GALNT1: variants seen among roughly 807,000 people sequenced by gnomAD.
The protein encoded by GALNT1 is GalNAc transferase 1.
GALNT1 carries 17 observed loss-of-function variants against 65.7 expected under a neutral mutation model. The observed-to-expected ratio is 0.26, with a 90% confidence interval of 0.18 to 0.39. The LOEUF (loss-of-function observed/expected upper bound fraction) is 0.39. Among genes scored for constraint, GALNT1 ranks in the 10% least tolerant of loss-of-function variants. GALNT1 has a pLI of 1.00. For synonymous variants in GALNT1, 210 were observed against 219.7 expected (o/e 0.96, Z 0.39); for missense variants, 460 against 672.8 (o/e 0.68, Z 3.50).
At chr18:35,609,837 C>G (rs2046694823) in intron 1 of GALNT1, among the ~76,000 whole-genome samples, 1 of 152,100 alleles carries the variant, frequency 6.6e-6, no homozygotes, top group African/African-American at 2.4e-5. Context: ...ACTGACATCC[C>G]AAATAATAAT....
intron 1 of GALNT1, chr18:35,591,781 A>G (rs2046447861): frequency 6.5e-6 from 1 of 154,416 alleles, no homozygotes; most frequent in African/African-American, 2.4e-5. Flanking sequence ...GAGGTAGGAA[A>G]TGAGGCTAAT....
In GALNT1 at chr18:35,683,489, T is replaced by C. The variant is rs1307996166; in HGVS notation, c.580T>C (p.Leu194=). 1 of 1,613,702 alleles carries C rather than the reference T, an allele frequency of 6.2e-7. No homozygotes were observed. The highest frequency in any genetic ancestry group is 1.3e-5 in the African/African-American group (1 of 74,908). Residue 194 remains leucine (L), a synonymous_variant, in exon 5 of 12, where the codon TTA becomes CTA. Coordinates refer to ENST00000269195, the MANE Select transcript of GALNT1 (RefSeq NM_020474.4). ...EQRSGLIRAR[L]KGAAVSKGQV... is the part of the protein sequence containing the mutation. ...ACGTTCTGGATTGATCAGAGCTAGA[T>C]TAAAAGGAGCTGCTGTGTCTAAAGG...
At chr18:35,581,516 A>G (rs2046313102), upstream of GALNT1, among the ~76,000 whole-genome samples, 1 of 95,656 alleles carries the variant, frequency 1.0e-5, no homozygotes, top group Admixed American at 1.0e-4. Context: ...CGCAGGGAGG[A>G]CCGCGCCCGA....
intron 6 of GALNT1, 87 bp downstream of exon 6, chr18:35,687,273 T>C: frequency 7.6e-7 from 1 of 1,322,172 alleles, no homozygotes; most frequent in Non-Finnish European, 1.1e-6. Flanking sequence ...GATAAGTGTA[T>C]TTTGAGAAAC....
chr18:35,676,796 T>C (rs140885840), intron 3 of GALNT1, among the ~76,000 whole-genome samples: 3 of 152,336 alleles, frequency 2.0e-5, no homozygotes, highest in Admixed American at 2.0e-4. Flanking sequence ...TGTTCTCTGA[T>C]AGGCTGTTAT....
In GALNT1 at chr18:35,692,167, A is replaced by ATTTC. The variant is rs1239227521; in HGVS notation, c.1160-9_1160-6dup. ...CAACACTAATAATTCAGAGTCAATTATTTCTTTCAACAGGTGTTACAAAGG... is the reference window on the plus strand; with the variant it reads ...CAACACTAATAATTCAGAGTCAATTATTTCTTTCTTTCAACAGGTGTTACAAAGG... On this transcript the variant is annotated splice_polypyrimidine_tract_variant and intron_variant, in intron 8 of 11. Transcript: ENST00000269195. 4 of 1,599,220 alleles carry ATTTC rather than the reference A, an allele frequency of 2.5e-6. No individual in the cohort carries two copies. Among genetic ancestry groups the ATTTC allele is most frequent in the Non-Finnish European group, 3.4e-6 (4 of 1,172,254 alleles).
intron 1 of GALNT1, among the ~76,000 whole-genome samples, chr18:35,630,448 T>TG (rs747997895): frequency 6.6e-6 from 1 of 152,218 alleles, no homozygotes; most frequent in Non-Finnish European, 1.5e-5. Context: ...TGCTTCTGAA[T>TG]GACTACTGGG....
intron 2 of GALNT1, among the ~76,000 whole-genome samples, chr18:35,663,054 A>G (rs1305404155): frequency 6.6e-6 from 1 of 152,160 alleles, no homozygotes; most frequent in Non-Finnish European, 1.5e-5. Context: ...CACTATAGAG[A>G]GATTCAGAAA....
At chr18:35,625,419 C>A (rs1189058618) in intron 1 of GALNT1, among the ~76,000 whole-genome samples, 1 of 152,032 alleles carries the variant, frequency 6.6e-6, no homozygotes, top group Admixed American at 6.6e-5. Flanking sequence ...TTATAGCCTG[C>A]CTATTCTAAA....
At chr18:35,697,989 A>G (rs1028817029) in intron 9 of GALNT1, among the ~76,000 whole-genome samples, 2 of 152,196 alleles carry the variant, frequency 1.3e-5, no homozygotes, top group African/African-American at 4.8e-5. Flanking sequence ...AGAAAGTACA[A>G]ACCAAACTTG....
At chr18:35,589,419 G>A (rs935916106) in intron 1 of GALNT1, among the ~76,000 whole-genome samples, 1 of 152,158 alleles carries the variant, frequency 6.6e-6, no homozygotes, top group African/African-American at 2.4e-5. Flanking sequence ...TGTGATGTTT[G>A]TCTGGAGTAG....
chr18:35,709,668 A>G lies in GALNT1; in HGVS notation c.1578A>G (p.Lys526=). 6.2e-7 allele frequency: 1 copy of G among 1,614,154 alleles called. No homozygotes were observed. Among genetic ancestry groups the G allele is most frequent in the Non-Finnish European group, 8.5e-7 (1 of 1,179,998 alleles). The part of the protein sequence containing the change: ...QHVNSNQCLD[K]ATEEDSQVPS... ...TGAACAGTAATCAGTGCCTGGATAA[A>G]GCCACAGAAGAGGATAGCCAGGTGC... is the stretch of plus-strand genomic sequence containing the variant. Residue 526 remains lysine, a synonymous_variant, in exon 12 of 12, where the codon AAA becomes AAG. Coordinates refer to ENST00000269195, the MANE Select transcript of GALNT1 (RefSeq NM_020474.4).
At chr18:35,636,753 T>C (rs991875637) in intron 1 of GALNT1, among the ~76,000 whole-genome samples, 1 of 151,740 alleles carries the variant, frequency 6.6e-6, no homozygotes, top group East Asian at 1.9e-4. Flanking sequence ...TATTGTACTT[T>C]GTTTTATTGT....
chr18:35,684,909 C>T (rs748547862), intron 5 of GALNT1, among the ~76,000 whole-genome samples: 2 of 152,148 alleles, frequency 1.3e-5, no homozygotes, highest in African/African-American at 2.4e-5. Context: ...TAATAGCAAA[C>T]ACCTGTATAA....
intron 11 of GALNT1, among the ~76,000 whole-genome samples, chr18:35,704,670 G>A (rs1414937146): frequency 6.7e-6 from 1 of 149,978 alleles, no homozygotes; most frequent in Non-Finnish European, 1.5e-5. Context: ...TTGAGATGGA[G>A]TCTCGCTCTT....
chr18:35,709,713 T>C lies in GALNT1; in HGVS notation c.1623T>C (p.Asn541=). 2 of 1,614,002 alleles carry C rather than the reference T, an allele frequency of 1.2e-6. No homozygotes were observed. The highest frequency in any genetic ancestry group is 4.5e-5 in the East Asian group (2 of 44,870). The change falls in exon 12 of 12, where the codon AAT becomes AAC. Residue 541 remains asparagine (N), a synonymous_variant. Transcript: ENST00000269195. ...AGGTGCCCAGCATTAGAGACTGCAA[T>C]GGAAGTCGGTCCCAGCAGTGGCTTC... ...DSQVPSIRDC[N]GSRSQQWLLR...
chr18:35,629,759 C>CT (rs938659747), intron 1 of GALNT1, among the ~76,000 whole-genome samples: 1 of 152,118 alleles, frequency 6.6e-6, no homozygotes. Flanking sequence ...AAGACACAGA[C>CT]TGGCAAATTG....
chr18:35,606,842 T>A (rs1035231835), intron 1 of GALNT1, among the ~76,000 whole-genome samples: 16 of 120,544 alleles, frequency 1.3e-4, no homozygotes, highest in South Asian at 4.6e-4. Flanking sequence ...TGTGTGTGTG[T>A]GTGTGTGTGT....
Position 35,683,555 on chromosome 18 carries a change from G to A in GALNT1, c.646G>A (p.Val216Met), listed in dbSNP as rs201338228. Residue 216 changes from valine (V) to methionine (M), a missense_variant, in exon 5 of 12, where the codon GTG becomes ATG. Val to Met is a conservative substitution (Grantham distance 21, BLOSUM62 1). Coordinates refer to ENST00000269195, the MANE Select transcript of GALNT1 (RefSeq NM_020474.4). ...CCTGGATGCCCATTGTGAGTGTACA[G>A]TGGGATGGCTGGAGCCTCTCTTGGC... Reference protein sequence around the residue: ...TFLDAHCECTVGWLEPLLARI... With the variant: ...TFLDAHCECTMGWLEPLLARI... The A allele has an allele frequency of 1.4e-5, 22 of 1,613,770 alleles. No homozygotes were observed. The East Asian group carries it at 4.9e-4, about 36-fold the overall frequency.
Sources: allele counts gnomAD v4.1 joint callset (sites outside exome capture counted in the v4.1 genomes callset), GRCh38; gene constraint gnomAD v4.1.1; transcripts MANE v1.5; gene names NCBI Gene and HGNC (gene_info 2026-07-23, HGNC 2026-07-21).